The following FGF2 variants were observed in gnomAD, a reference collection of about 807,000 sequenced individuals.
The protein encoded by FGF2 is basic fibroblast growth factor bFGF.
FGF2 carries 13 observed loss-of-function variants against 15.9 expected under a neutral mutation model. The observed-to-expected ratio is 0.82, with a 90% CI of 0.53 to 1.30. The LOEUF is 1.30. FGF2 is among the 50% of genes most tolerant of loss of function. FGF2 has a pLI of 0.00. For synonymous variants in FGF2, 90 were observed against 78.4 expected (o/e 1.15, Z -0.78); for missense variants, 163 against 196.9 (o/e 0.83, Z 1.03).
chr4:122,842,346 G>T (rs909999281), intron 1 of FGF2, among the ~76,000 whole-genome samples: 2 of 152,212 alleles, frequency 1.3e-5, no homozygotes, highest in African/African-American at 2.4e-5. Context: ...AGGGTGCATA[G>T]CATTTTGTCA....
chr4:122,838,027 T>A (rs1232602086), intron 1 of FGF2, among the ~76,000 whole-genome samples: 1 of 152,160 alleles, frequency 6.6e-6, no homozygotes, highest in Non-Finnish European at 1.5e-5. Flanking sequence ...ATAATTGAAG[T>A]GAGATTGGGA....
At chr4:122,842,807 C>T (rs1317472580) in intron 1 of FGF2, among the ~76,000 whole-genome samples, 1 of 152,186 alleles carries the variant, frequency 6.6e-6, no homozygotes, top group Non-Finnish European at 1.5e-5. Flanking sequence ...AATCTCACTC[C>T]TGGCTTCATC....
Position 122,827,031 on chromosome 4 carries a change from C to G in FGF2, c.-144C>G, listed in dbSNP as rs1156505302. 1 of 1,170,218 alleles carries G rather than the reference C, an allele frequency of 8.5e-7. No homozygotes were observed. The highest frequency in any genetic ancestry group is 1.1e-6 in the Non-Finnish European group (1 of 949,256). The allele number at this position is 1,170,218 out of a possible 1,614,324, so 72.5% of individuals were successfully genotyped here. A position where few individuals can be genotyped will look rare whatever the true frequency, so the allele number is the denominator to read the frequency against. ...GAGGCTGGGGGACCGCGGGCGCGGC[C>G]GCGCGCTGCCGGGCGGGAGGCTGGG... On this transcript the variant is annotated 5_prime_UTR_variant, in exon 1 of 3. Transcript: ENST00000644866. The surrounding 1 kb of genome is among the most constrained non-coding windows in gnomAD (Gnocchi z 4.2).
intron 1 of FGF2, among the ~76,000 whole-genome samples, chr4:122,833,606 T>C (rs927494989): frequency 2.0e-5 from 3 of 152,180 alleles, no homozygotes; most frequent in Non-Finnish European, 1.5e-5. Flanking sequence ...ATGACTTCTT[T>C]ATATAAATAA....
chr4:122,859,920 A>T (rs1471713756), intron 1 of FGF2, among the ~76,000 whole-genome samples: 1 of 152,270 alleles, frequency 6.6e-6, no homozygotes, highest in Admixed American at 6.5e-5. Flanking sequence ...TTTCAGTTTT[A>T]TATTACCTGT....
At chr4:122,826,771 G>T, upstream of FGF2, 1 of 1,328,864 alleles carries the variant, frequency 7.5e-7, no homozygotes, top group East Asian at 3.1e-5. Flanking sequence ...TGGGGGCGCG[G>T]GAGGCTGGTG....
chr4:122,869,510 C>T (rs1386910069), intron 1 of FGF2, among the ~76,000 whole-genome samples: 1 of 152,010 alleles, frequency 6.6e-6, no homozygotes, highest in East Asian at 1.9e-4. Flanking sequence ...CTCTTATTTC[C>T]TTGAGCAGTG....
chr4:122,852,823 T>C (rs778839947), intron 1 of FGF2, among the ~76,000 whole-genome samples: 17 of 152,228 alleles, frequency 1.1e-4, no homozygotes, highest in Non-Finnish European at 2.4e-4. Flanking sequence ...CTTTATTATC[T>C]TACATGTGAA....
At chr4:122,830,481 G>GT (rs1243152225) in intron 1 of FGF2, among the ~76,000 whole-genome samples, 1 of 152,072 alleles carries the variant, frequency 6.6e-6, no homozygotes, top group Non-Finnish European at 1.5e-5. Context: ...ATTTTCTGGC[G>GT]TTTTTCTCAT....
rs1024884748 is a variant in FGF2, at chr4:122,869,270, G to C, written c.179-7051G>C. Among the ~76,000 whole-genome samples, 3 of 152,300 alleles carry C rather than the reference G, an allele frequency of 2.0e-5. No individual in the cohort carries two copies. The East Asian group carries it at 5.8e-4, about 29-fold the overall frequency. On this transcript the variant is annotated intron_variant, in intron 1 of 2. Coordinates refer to ENST00000644866, the MANE Select transcript of FGF2 (RefSeq NM_001361665.2). ...AGTATAGTTTGAAGTCAGGTAGTGT[G>C]ATGTCTCTAGCTTTGTTCTTTTTGC...
chr4:122,830,480 C>A (rs1046975689), intron 1 of FGF2, among the ~76,000 whole-genome samples: 3 of 152,118 alleles, frequency 2.0e-5, no homozygotes, highest in African/African-American at 7.2e-5. Context: ...CATTTTCTGG[C>A]GTTTTTCTCA....
intron 1 of FGF2, among the ~76,000 whole-genome samples, chr4:122,835,082 T>C (rs998994750): frequency 6.6e-6 from 1 of 152,158 alleles, no homozygotes; most frequent in Non-Finnish European, 1.5e-5. Flanking sequence ...GCCCAATGAA[T>C]TATCAGTAAG....
At chr4:122,835,048 T>G (rs751128569) in intron 1 of FGF2, among the ~76,000 whole-genome samples, 2 of 152,206 alleles carry the variant, frequency 1.3e-5, no homozygotes, top group Non-Finnish European at 2.9e-5. Context: ...AGGACAACTT[T>G]GACCCCCTAT....
rs115024740 is a variant in FGF2, at chr4:122,867,515, T to A, written c.179-8806T>A. ...ATTTTTTTCTGTTAAAAATATATAT[T>A]TTTTTAATTTTTTAGAGACAGGATT... On this transcript the variant is annotated intron_variant, in intron 1 of 2. Coordinates refer to ENST00000644866, the MANE Select transcript of FGF2 (RefSeq NM_001361665.2). Among the ~76,000 whole-genome samples, 325 of 152,278 alleles carry A rather than the reference T, an allele frequency of 2.1e-3. 2 individuals carry two copies. The highest frequency in any genetic ancestry group is 7.4e-3 in the African/African-American group (307 of 41,542).
chr4:122,872,951 T>C (rs976285586), intron 1 of FGF2, among the ~76,000 whole-genome samples: 2 of 152,182 alleles, frequency 1.3e-5, no homozygotes, highest in African/African-American at 4.8e-5. Flanking sequence ...AATGACACTA[T>C]GAAGAAACTG....
intron 1 of FGF2, among the ~76,000 whole-genome samples, chr4:122,844,231 TC>T (rs1270691733): frequency 1.1e-4 from 17 of 152,236 alleles, no homozygotes; most frequent in African/African-American, 3.6e-4. Context: ...GAAATCACTT[TC>T]TTTGTTCTTC....
intron 2 of FGF2, among the ~76,000 whole-genome samples, chr4:122,887,367 T>C (rs1727079976): frequency 6.6e-6 from 1 of 152,188 alleles, no homozygotes; most frequent in Admixed American, 6.5e-5. Context: ...TTCATACTGA[T>C]ATCTCCAACC....
chr4:122,849,060 T>C (rs1264528283), intron 1 of FGF2, among the ~76,000 whole-genome samples: 1 of 152,202 alleles, frequency 6.6e-6, no homozygotes, highest in Non-Finnish European at 1.5e-5. Flanking sequence ...CTTGTGTCCT[T>C]AGGGGCAAGG....
At chr4:122,870,145 G>A (rs1217600994) in intron 1 of FGF2, among the ~76,000 whole-genome samples, 1 of 152,198 alleles carries the variant, frequency 6.6e-6, no homozygotes, top group African/African-American at 2.4e-5. Context: ...TTATTGATTT[G>A]TGTATGTTGA....
Sources: allele counts gnomAD v4.1 joint callset (sites outside exome capture counted in the v4.1 genomes callset), GRCh38; gene constraint gnomAD v4.1.1; non-coding constraint Gnocchi (gnomAD v3.1); transcripts MANE v1.5; gene names NCBI Gene and HGNC (gene_info 2026-07-23, HGNC 2026-07-21).